GREB1L: variants seen among roughly 807,000 people sequenced by gnomAD.
The protein encoded by GREB1L is GREB1-like protein.
GREB1L carries 17 observed loss-of-function variants against 200.8 expected under a neutral mutation model. The observed-to-expected ratio is 0.08, with a 90% confidence interval of 0.06 to 0.13. The LOEUF is 0.13. Among genes scored for constraint, GREB1L ranks in the 10% least tolerant of loss-of-function variants. The probability of loss-of-function intolerance (pLI) is 1.00; values close to 1 mark genes in which losing one functional copy is unlikely to be tolerated. For missense variants in GREB1L, 1,657 were observed against 2,367.7 expected (o/e 0.70, Z 6.23); for synonymous variants, 789 against 893.0 (o/e 0.88, Z 2.08).
At chr18:21,275,559 A>AG (rs1340962365) in intron 1 of GREB1L, among the ~76,000 whole-genome samples, 1 of 151,998 alleles carries the variant, frequency 6.6e-6, no homozygotes, top group Non-Finnish European at 1.5e-5. Context: ...AGGCTGAGGC[A>AG]GGGGAATCAC....
At chr18:21,374,109 C>G (rs1452152619) in intron 2 of GREB1L, among the ~76,000 whole-genome samples, 1 of 152,068 alleles carries the variant, frequency 6.6e-6, no homozygotes. Context: ...TCAAACAATT[C>G]TCATGCCTCA....
At chr18:21,434,529 G>GTA (rs2033402400) in intron 7 of GREB1L, among the ~76,000 whole-genome samples, 1 of 145,572 alleles carries the variant, frequency 6.9e-6, no homozygotes, top group Non-Finnish European at 1.5e-5. Flanking sequence ...GTGTGTGTGT[G>GTA]TGTATATATA....
intron 1 of GREB1L, among the ~76,000 whole-genome samples, chr18:21,247,015 T>A (rs1438955218): frequency 1.3e-5 from 2 of 152,224 alleles, no homozygotes; most frequent in African/African-American, 2.4e-5. Context: ...CCTTGTGAGT[T>A]CTGGAGTTCC....
intron 21 of GREB1L, 140 bp downstream of exon 21, chr18:21,496,838 G>C: frequency 1.1e-6 from 1 of 872,264 alleles, no homozygotes; most frequent in Non-Finnish European, 1.7e-6. Context: ...TCCAGACCCA[G>C]CTCCAGGTGG....
intron 1 of GREB1L, among the ~76,000 whole-genome samples, chr18:21,268,526 C>T (rs111438246): frequency 0.087 from 6,857 of 78,504 alleles, 517 homozygotes; most frequent in African/African-American, 0.27. Flanking sequence ...TATATATACA[C>T]ACACACACAC....
intron 1 of GREB1L, among the ~76,000 whole-genome samples, chr18:21,257,000 G>C (rs1448186352): frequency 9.2e-6 from 1 of 108,700 alleles, no homozygotes; most frequent in Non-Finnish European, 1.7e-5. Flanking sequence ...GTGAGACTCC[G>C]TCTCAAAAAA....
chr18:21,318,837 C>A (rs147365619), intron 1 of GREB1L, among the ~76,000 whole-genome samples: 6 of 152,166 alleles, frequency 3.9e-5, no homozygotes, highest in Non-Finnish European at 8.8e-5. Context: ...AAGTGAAGAT[C>A]TGAAAGGAGG....
intron 1 of GREB1L, among the ~76,000 whole-genome samples, chr18:21,354,333 G>C (rs1284953143): frequency 6.6e-6 from 1 of 152,080 alleles, no homozygotes; most frequent in Non-Finnish European, 1.5e-5. Flanking sequence ...CATGCCTGCA[G>C]TCCCAACACT....
intron 1 of GREB1L, among the ~76,000 whole-genome samples, chr18:21,276,290 A>T (rs776934836): frequency 6.6e-6 from 1 of 152,120 alleles, no homozygotes; most frequent in Non-Finnish European, 1.5e-5. Flanking sequence ...TCTGACCTTC[A>T]TCAATACCTA....
intron 4 of GREB1L, among the ~76,000 whole-genome samples, chr18:21,392,044 A>C (rs1207505370): frequency 6.6e-6 from 1 of 152,206 alleles, no homozygotes; most frequent in Non-Finnish European, 1.5e-5. Flanking sequence ...TCCTGACCTC[A>C]GGTGATCCAC....
At chr18:21,309,434 G>A (rs2038756232) in intron 1 of GREB1L, among the ~76,000 whole-genome samples, 1 of 152,162 alleles carries the variant, frequency 6.6e-6, no homozygotes, top group African/African-American at 2.4e-5. Flanking sequence ...ATGTGAGAGT[G>A]TTTTGGCAGC....
intron 1 of GREB1L, among the ~76,000 whole-genome samples, chr18:21,292,940 C>A (rs2038473820): frequency 6.6e-6 from 1 of 152,116 alleles, no homozygotes; most frequent in Admixed American, 6.6e-5. Context: ...GCATAAAGGT[C>A]TTTTTGTAAG....
At chr18:21,381,705 C>T (rs923179788) in intron 2 of GREB1L, among the ~76,000 whole-genome samples, 4 of 152,128 alleles carry the variant, frequency 2.6e-5, no homozygotes, top group African/African-American at 9.7e-5. Flanking sequence ...AAATAATATC[C>T]TAGTAGTAGT....
At chr18:21,345,871 CAA>C (rs34189374) in intron 1 of GREB1L, among the ~76,000 whole-genome samples, 28 of 76,134 alleles carry the variant, frequency 3.7e-4, no homozygotes, top group Admixed American at 7.5e-4. Context: ...GACTCCATCT[CAA>C]AAAAAAAAAA....
At chr18:21,448,852 G>T (rs1598858393) in intron 11 of GREB1L, among the ~76,000 whole-genome samples, 2 of 152,298 alleles carry the variant, frequency 1.3e-5, no homozygotes, top group South Asian at 4.1e-4. Context: ...CAGGTCAGCA[G>T]TATAAGTTTT....
chr18:21,430,619 G>A (rs369352550), intron 7 of GREB1L, among the ~76,000 whole-genome samples: 76 of 137,882 alleles, frequency 5.5e-4, no homozygotes, highest in African/African-American at 1.7e-3. Context: ...AATTTGAGAC[G>A]GAGTTTCGCT....
At chr18:21,393,715 C>T (rs970244702) in intron 4 of GREB1L, among the ~76,000 whole-genome samples, 3 of 152,166 alleles carry the variant, frequency 2.0e-5, no homozygotes, top group Non-Finnish European at 4.4e-5. Context: ...AGGTGCGGGT[C>T]ACCGCGCCCG....
chr18:21,347,278 C>CA (rs556087217), intron 1 of GREB1L, among the ~76,000 whole-genome samples: 11,493 of 128,734 alleles, frequency 0.089, 671 homozygotes, highest in Admixed American at 0.17. Flanking sequence ...GACTCCGTCT[C>CA]AAAAAAAAAA....
chr18:21,451,446 CTCCT>C (rs2034514685), intron 13 of GREB1L: 2 of 229,646 alleles, frequency 8.7e-6, no homozygotes, highest in African/African-American at 4.7e-5. Context: ...TCCTTCCTTC[CTCCT>C]TCCCTCCCTT....
Sources: allele counts gnomAD v4.1 joint callset (sites outside exome capture counted in the v4.1 genomes callset), GRCh38; gene constraint gnomAD v4.1.1; transcripts MANE v1.5; gene names NCBI Gene and HGNC (gene_info 2026-07-23, HGNC 2026-07-21).